Variants in UGT1A6 observed in about 807,000 individuals in gnomAD.
UGT1A6 encodes UDP glucuronosyltransferase family 1 member A6.
A neutral mutation model predicts 44.4 loss-of-function variants in UGT1A6; 32 were observed. That is an observed-to-expected ratio of 0.72 (90% CI 0.54 to 0.97). UGT1A6 has a LOEUF of 0.97. Among genes scored for constraint, UGT1A6 ranks in the 50% least tolerant of loss-of-function variants. The pLI, the probability that UGT1A6 is intolerant of heterozygous loss-of-function variation, is 0.00. For missense variants in UGT1A6, 685 were observed against 661.9 expected, an observed-to-expected ratio of 1.03 and a Z score of -0.38; for synonymous variants, 238 against 248.5, an observed-to-expected ratio of 0.96 and a Z score of 0.40.
At position 233,769,446 on chromosome 2, in the gene UGT1A6, C is replaced by T. The variant is rs1239046634; in HGVS notation, c.1301+1007C>T. 4 of 1,588,334 alleles carry T rather than the reference C, an allele frequency of 2.5e-6. No homozygotes were observed. The highest frequency in any genetic ancestry group is 3.4e-6 in the Non-Finnish European group (4 of 1,161,110). On this transcript the variant is annotated intron_variant, in intron 4 of 4. Coordinates refer to ENST00000305139, the MANE Select transcript of UGT1A6 (RefSeq NM_001072.4). This position sits in a 1 kb window ranked among gnomAD's most constrained non-coding sequence, Gnocchi z 4.4. ...GTGGCTGTGCTCATGTGTGGGTGCA[C>T]ACGTGTGCATTCATATGCGTGTGTG...
chr2:233,712,529 C>A (rs1162608950), intron 1 of UGT1A6, among the ~76,000 whole-genome samples: 3 of 152,310 alleles, frequency 2.0e-5, no homozygotes, highest in Middle Eastern at 3.4e-3. Flanking sequence ...TGCTGTGTTA[C>A]CCATATGTGG....
intron 1 of UGT1A6, among the ~76,000 whole-genome samples, chr2:233,702,893 A>T (rs554426682): frequency 2.0e-5 from 3 of 152,324 alleles, no homozygotes; most frequent in Admixed American, 2.0e-4. Flanking sequence ...CATCATATCC[A>T]TAAGAGATAT....
At chr2:233,728,351 G>A (rs1396406554) in intron 1 of UGT1A6, among the ~76,000 whole-genome samples, 1 of 152,180 alleles carries the variant, frequency 6.6e-6, no homozygotes, top group East Asian at 1.9e-4. Context: ...TGGTGAGCAG[G>A]AGCTCCCTGA....
At chr2:233,749,358 A>G (rs1263480064) in intron 1 of UGT1A6, among the ~76,000 whole-genome samples, 1 of 151,706 alleles carries the variant, frequency 6.6e-6, no homozygotes, top group Non-Finnish European at 1.5e-5. Context: ...TTAAATAGTG[A>G]CTCTTGCCCT....
At chr2:233,734,371 T>C (rs1011437447) in intron 1 of UGT1A6, among the ~76,000 whole-genome samples, 3 of 152,202 alleles carry the variant, frequency 2.0e-5, no homozygotes, top group Non-Finnish European at 4.4e-5. Flanking sequence ...GGTGGTGATA[T>C]TGCCTTTACT....
chr2:233,741,753 A>G (rs1361803894), intron 1 of UGT1A6: 2 of 151,870 alleles, frequency 1.3e-5, no homozygotes, highest in African/African-American at 4.9e-5. Context: ...TTTGTTGGTT[A>G]ATGATGTGTT....
chr2:233,748,176 TG>T, intron 1 of UGT1A6: 1 of 1,583,506 alleles, frequency 6.3e-7, no homozygotes, highest in East Asian at 2.2e-5. Flanking sequence ...CTTATCTTTC[TG>T]GTGCTTTTAT....
chr2:233,718,006 C>A (rs2076621549), intron 1 of UGT1A6: 2 of 407,730 alleles, frequency 4.9e-6, no homozygotes. Flanking sequence ...AGATCTGAGG[C>A]CAGGCTCCAG....
chr2:233,763,862 C>T (rs755965727), intron 1 of UGT1A6, among the ~76,000 whole-genome samples: 8 of 152,072 alleles, frequency 5.3e-5, no homozygotes, highest in South Asian at 2.1e-4. Context: ...CACAGACAAT[C>T]GCAATGCTGG....
chr2:233,764,152 G>C (rs1467176799), intron 1 of UGT1A6, among the ~76,000 whole-genome samples: 3 of 152,176 alleles, frequency 2.0e-5, no homozygotes, highest in Non-Finnish European at 2.9e-5. Flanking sequence ...ATTTTGGCTG[G>C]TGAAGTCTCA....
intron 1 of UGT1A6, among the ~76,000 whole-genome samples, chr2:233,701,178 A>G (rs961911263): frequency 7.9e-5 from 12 of 152,194 alleles, no homozygotes; most frequent in African/African-American, 2.7e-4. Flanking sequence ...CGTTATAAAC[A>G]TACATGTGCA....
intron 1 of UGT1A6, among the ~76,000 whole-genome samples, chr2:233,748,437 T>C (rs1194940254): frequency 2.6e-5 from 4 of 151,838 alleles, no homozygotes; most frequent in African/African-American, 9.7e-5. Flanking sequence ...GATTTTTTGT[T>C]TGCACAATTT....
At chr2:233,748,095 T>G (rs1186199054) in intron 1 of UGT1A6, 80 of 1,612,722 alleles carry the variant, frequency 5.0e-5, no homozygotes, top group Non-Finnish European at 6.3e-5. Context: ...TGTTCGTGCC[T>G]TCATCCAATC....
intron 1 of UGT1A6, chr2:233,755,812 A>C (rs1456850451): frequency 6.6e-6 from 1 of 152,248 alleles, no homozygotes; most frequent in African/African-American, 2.4e-5. Context: ...ATTAAAACAG[A>C]ATTAAAAAGA....
In UGT1A6 at chr2:233,772,290, A is replaced by G; in HGVS notation, c.1330A>G (p.Ser444Gly). The part of the protein sequence containing the change: ...SYKENIMRLS[S>G]LHKDRPVEPL... Reference sequence around the variant, plus strand: ...CAAGGAGAACATCATGCGCCTCTCCAGCCTTCACAAGGACCGCCCGGTGGA... The same window carrying G: ...CAAGGAGAACATCATGCGCCTCTCCGGCCTTCACAAGGACCGCCCGGTGGA... The change falls in exon 5 of 5, where the codon AGC (serine) becomes GGC (glycine). Residue 444 changes from serine (S) to glycine (G), a missense_variant. Ser to Gly is a moderately conservative substitution (Grantham distance 56). Coordinates refer to ENST00000305139, the MANE Select transcript of UGT1A6 (RefSeq NM_001072.4). The G allele has an allele frequency of 6.2e-7, 1 of 1,614,260 alleles. No individual in the cohort carries two copies. Among genetic ancestry groups the G allele is most frequent in the Non-Finnish European group, 8.5e-7 (1 of 1,180,044 alleles).
chr2:233,743,264 C>T, intron 1 of UGT1A6: 1 of 454,126 alleles, frequency 2.2e-6, no homozygotes, highest in South Asian at 1.7e-5. Context: ...CCATCTTCCT[C>T]CACTTCCACC....
intron 1 of UGT1A6, among the ~76,000 whole-genome samples, chr2:233,749,521 C>T (rs1559394435): frequency 6.6e-6 from 1 of 151,908 alleles, no homozygotes; most frequent in East Asian, 1.9e-4. Flanking sequence ...ACTAGCAAGG[C>T]TAATTTTCGA....
chr2:233,735,495 A>G (rs1383216559), intron 1 of UGT1A6, among the ~76,000 whole-genome samples: 1 of 152,188 alleles, frequency 6.6e-6, no homozygotes, highest in Non-Finnish European at 1.5e-5. Context: ...TAATTGCAGC[A>G]TTTAGCCCAT....
At chr2:233,728,018 G>A (rs774114702) in intron 1 of UGT1A6, among the ~76,000 whole-genome samples, 4 of 152,350 alleles carry the variant, frequency 2.6e-5, no homozygotes, top group Non-Finnish European at 5.9e-5. Context: ...ACATGTGGGA[G>A]TGACTTTCTG....
Sources: allele counts gnomAD v4.1 joint callset (sites outside exome capture counted in the v4.1 genomes callset), GRCh38; gene constraint gnomAD v4.1.1; non-coding constraint Gnocchi (gnomAD v3.1); transcripts MANE v1.5; gene names NCBI Gene and HGNC (gene_info 2026-07-23, HGNC 2026-07-21).